The following TLN2 variants were observed in gnomAD, a reference collection of about 807,000 sequenced individuals.
TLN2 encodes talin 2, also known as talin-2.
A neutral mutation model predicts 294.7 loss-of-function variants in TLN2; 118 were observed. The ratio of observed to expected loss-of-function variants is 0.40; its 90% CI spans 0.34 to 0.47. The LOEUF (loss-of-function observed/expected upper bound fraction) is 0.47. Among genes scored for constraint, TLN2 ranks in the 20% least tolerant of loss-of-function variants. TLN2 has a pLI of 0.84. For synonymous variants in TLN2, 1,431 were observed against 1,304.5 expected (o/e 1.10, Z -2.09); for missense variants, 3,083 against 3,282.2 (o/e 0.94, Z 1.48).
intron 51 of TLN2, 42 bp downstream of exon 51, chr15:62,805,827 T>C (rs370536379): frequency 1.2e-5 from 19 of 1,586,462 alleles, no homozygotes; most frequent in Non-Finnish European, 1.6e-5. Flanking sequence ...GATGATTCTC[T>C]GTCGTGACTG....
chr15:62,599,657 A>G (rs1567170266), intron 2 of TLN2, among the ~76,000 whole-genome samples: 1 of 152,166 alleles, frequency 6.6e-6, no homozygotes, highest in Non-Finnish European at 1.5e-5. Flanking sequence ...TATGTTCTAT[A>G]TTCTTCAGTT....
chr15:62,771,026 G>C lies in TLN2; in HGVS notation c.5259G>C (p.Lys1753Asn), dbSNP rs1421909436. 6.2e-7 allele frequency: 1 copy of C among 1,611,472 alleles called. No homozygotes were observed. The highest frequency in any genetic ancestry group is 8.5e-7 in the Non-Finnish European group (1 of 1,179,702). ...LILAAVGVAS[K>N]ILDHQQQMTV... is the part of the protein sequence containing the mutation. ...TAGCCGCAGTTGGTGTGGCCTCCAA[G>C]ATTCTTGATCATCAGCAGCAGATGA... The change falls in exon 42 of 59, where the codon AAG becomes AAC. Residue 1753 changes from lysine (K) to asparagine (N), a missense_variant. Physicochemically the swap from Lys to Asn is moderately conservative, Grantham distance 94 (BLOSUM62 0). Coordinates refer to ENST00000636159, the MANE Select transcript of TLN2 (RefSeq NM_015059.3).
At chr15:62,836,215 C>A in intron 57 of TLN2, 142 bp downstream of exon 57, 1 of 1,170,064 alleles carries the variant, frequency 8.5e-7, no homozygotes. Context: ...TCATCTACTG[C>A]GTGCGTCCAT....
chr15:62,706,148 G>A (rs139558925), intron 19 of TLN2, among the ~76,000 whole-genome samples: 167 of 152,330 alleles, frequency 1.1e-3, no homozygotes, highest in African/African-American at 3.8e-3. Flanking sequence ...TTCCTTGAAG[G>A]GAAAAGCCTT....
At chr15:62,730,224 T>TA (rs2060648908) in intron 28 of TLN2, among the ~76,000 whole-genome samples, 1 of 152,024 alleles carries the variant, frequency 6.6e-6, no homozygotes, top group Non-Finnish European at 1.5e-5. Context: ...GTATTTTTAG[T>TA]AGAGACGGGG....
intron 34 of TLN2, among the ~76,000 whole-genome samples, chr15:62,751,916 G>T (rs897819637): frequency 2.0e-5 from 3 of 152,214 alleles, no homozygotes; most frequent in African/African-American, 7.2e-5. Context: ...CTAGACAAAT[G>T]ATATCTGGAA....
At chr15:62,637,320 C>T (rs1446962951) in intron 3 of TLN2, 1 of 152,134 alleles carries the variant, frequency 6.6e-6, no homozygotes, top group Non-Finnish European at 1.5e-5. Flanking sequence ...AGTCAGAGTT[C>T]AGTTTAGAGC....
intron 11 of TLN2, among the ~76,000 whole-genome samples, chr15:62,680,983 T>C (rs1262137705): frequency 6.6e-6 from 1 of 152,228 alleles, no homozygotes; most frequent in East Asian, 1.9e-4. Context: ...CATTAGTTGA[T>C]GGTCACTTAG....
intron 1 of TLN2, among the ~76,000 whole-genome samples, chr15:62,483,660 G>A (rs533605480): frequency 1.3e-5 from 2 of 152,298 alleles, no homozygotes; most frequent in South Asian, 4.1e-4. Flanking sequence ...GACATAAGAA[G>A]TAGGAGCTCC....
intron 41 of TLN2, among the ~76,000 whole-genome samples, chr15:62,769,925 T>C (rs1156741685): frequency 6.6e-6 from 1 of 152,218 alleles, no homozygotes; most frequent in Non-Finnish European, 1.5e-5. Context: ...AGGGGATAGA[T>C]TCTGGTGTCT....
intron 42 of TLN2, 96 bp downstream of exon 42, chr15:62,771,230 T>C: frequency 7.5e-7 from 1 of 1,341,276 alleles, no homozygotes; most frequent in Non-Finnish European, 9.8e-7. Context: ...ACACTTCCAG[T>C]TCTTGCTGGT....
At chr15:62,454,531 T>C (rs1343260212) in intron 1 of TLN2, among the ~76,000 whole-genome samples, 9 of 152,046 alleles carry the variant, frequency 5.9e-5, no homozygotes, top group Non-Finnish European at 1.3e-4. Context: ...GGATTATTTG[T>C]AGGTCTGGTC....
intron 1 of TLN2, among the ~76,000 whole-genome samples, chr15:62,520,758 A>G (rs769516652): frequency 1.3e-5 from 2 of 152,158 alleles, no homozygotes; most frequent in Non-Finnish European, 2.9e-5. Flanking sequence ...ATTTTTTTAA[A>G]GTGTATATCT....
chr15:62,675,259 G>C lies in TLN2; in HGVS notation c.895G>C (p.Val299Leu). 6.2e-7 allele frequency: 1 copy of C among 1,614,234 alleles called. No individual in the cohort carries two copies. Among genetic ancestry groups the C allele is most frequent in the Admixed American group, 1.7e-5 (1 of 60,026 alleles). ...CGEMSEIEAKVKYVKLARSLR... is the reference protein window; with the variant it reads ...CGEMSEIEAKLKYVKLARSLR... ...AGAGATGAGTGAGATAGAAGCCAAG[G>C]TCAAGTACGTCAAACTCGCACGGTC... The change falls in exon 11 of 59, where the codon GTC (valine) becomes CTC (leucine). Residue 299 changes from valine (V) to leucine (L), a missense_variant. Val to Leu is a conservative substitution (Grantham distance 32). Coordinates refer to ENST00000636159, the MANE Select transcript of TLN2 (RefSeq NM_015059.3).
chr15:62,652,706 A>G (rs2052731137), intron 6 of TLN2, among the ~76,000 whole-genome samples: 1 of 152,112 alleles, frequency 6.6e-6, no homozygotes, highest in African/African-American at 2.4e-5. Flanking sequence ...CCCAAAAATT[A>G]TTATAGATGA....
At chr15:62,749,892 T>G (rs181170162) in intron 33 of TLN2, among the ~76,000 whole-genome samples, 2 of 152,302 alleles carry the variant, frequency 1.3e-5, no homozygotes, top group East Asian at 3.9e-4. Context: ...CTGTTTAAAT[T>G]AAAAACAAAT....
At chr15:62,825,789 T>A (rs866138813) in intron 54 of TLN2, among the ~76,000 whole-genome samples, 23 of 83,552 alleles carry the variant, frequency 2.8e-4, no homozygotes, top group African/African-American at 1.6e-3. Flanking sequence ...ATATTATATA[T>A]TATAATATAT....
intron 26 of TLN2, 151 bp from the exon 27 acceptor site, chr15:62,724,825 C>T (rs533938350): frequency 2.0e-6 from 2 of 984,926 alleles, no homozygotes; most frequent in African/African-American, 3.3e-5. Context: ...TGATTTTGTT[C>T]TCTCAGAAAA....
chr15:62,819,426 T>C, intron 52 of TLN2, 90 bp from the exon 53 acceptor site: 1 of 1,098,172 alleles, frequency 9.1e-7, no homozygotes, highest in Non-Finnish European at 1.4e-6. Context: ...CCAGGCTGCC[T>C]GACTCCACAT....
Sources: gnomAD v4.1 joint callset for allele counts (sites outside exome capture counted in the v4.1 genomes callset) on GRCh38, gnomAD v4.1.1 for gene constraint, MANE v1.5 for transcripts, NCBI Gene and HGNC (gene_info 2026-07-23, HGNC 2026-07-21) for gene names.